The following ANO5 variants were observed in gnomAD, a reference collection of about 807,000 sequenced individuals.
ANO5 encodes anoctamin 5.
ANO5 carries 109 observed loss-of-function variants against 121.0 expected under a neutral mutation model. That is an observed-to-expected ratio of 0.90 (90% CI 0.77 to 1.06). The LOEUF is 1.06. ANO5 is among the 50% of genes least tolerant of loss of function. The pLI, the probability that ANO5 is intolerant of heterozygous loss-of-function variation, is 0.00. For synonymous variants in ANO5, 406 were observed against 359.9 expected, an observed-to-expected ratio of 1.13 and a Z score of -1.45; for missense variants, 1,064 against 1,078.5, an observed-to-expected ratio of 0.99 and a Z score of 0.19.
intron 1 of ANO5, 147 bp downstream of exon 1, chr11:22,193,679 C>G: frequency 9.3e-7 from 1 of 1,075,536 alleles, no homozygotes; most frequent in East Asian, 2.6e-5. Flanking sequence ...AGCGCGAAAC[C>G]GGGACTGCGG....
chr11:22,234,979 C>T (rs1853167533), intron 7 of ANO5, among the ~76,000 whole-genome samples: 2 of 152,048 alleles, frequency 1.3e-5, no homozygotes, highest in Non-Finnish European at 2.9e-5. Context: ...TCCTCCTTAA[C>T]ACAAAGAAAG....
chr11:22,241,728 A>G (rs528784630), intron 9 of ANO5, among the ~76,000 whole-genome samples: 3 of 151,788 alleles, frequency 2.0e-5, no homozygotes, highest in Admixed American at 6.6e-5. Flanking sequence ...CCAATTATTT[A>G]TTGGGGTTAT....
At chr11:22,275,700 T>A (rs1854814131) in intron 20 of ANO5, among the ~76,000 whole-genome samples, 1 of 151,862 alleles carries the variant, frequency 6.6e-6, no homozygotes, top group African/African-American at 2.4e-5. Context: ...TATATAATAT[T>A]CTTATTTTTG....
intron 17 of ANO5, among the ~76,000 whole-genome samples, chr11:22,269,687 A>T (rs2133776163): frequency 6.6e-6 from 1 of 152,218 alleles, no homozygotes; most frequent in South Asian, 2.1e-4. Flanking sequence ...AGGTTTTAAT[A>T]GGTCCTTAAA....
chr11:22,220,051 A>C (rs1181777545), intron 4 of ANO5, among the ~76,000 whole-genome samples: 1 of 151,820 alleles, frequency 6.6e-6, no homozygotes, highest in Non-Finnish European at 1.5e-5. Context: ...CTTATGGCTT[A>C]TTTGCATATA....
intron 3 of ANO5, among the ~76,000 whole-genome samples, chr11:22,213,350 C>A (rs1267025442): frequency 1.3e-5 from 2 of 151,780 alleles, no homozygotes; most frequent in African/African-American, 4.8e-5. Flanking sequence ...GGGACAGTTT[C>A]ATGTACTTCT....
intron 3 of ANO5, among the ~76,000 whole-genome samples, chr11:22,212,472 T>A (rs1266514572): frequency 1.3e-5 from 2 of 151,992 alleles, no homozygotes; most frequent in Admixed American, 1.3e-4. Flanking sequence ...CTGCATGGAA[T>A]TCATTTATCA....
In ANO5 at chr11:22,279,703, G is replaced by A. The variant is rs1271019693; in HGVS notation, c.2680G>A (p.Glu894Lys). The A allele has an allele frequency of 1.2e-6, 2 of 1,612,696 alleles. No individual in the cohort carries two copies. Among genetic ancestry groups the A allele is most frequent in the East Asian group, 2.2e-5 (1 of 44,848 alleles). The part of the protein sequence containing the change: ...LKENLGINSN[E>K]FAKHVMIEEN... ...AGAGAACTTGGGAATTAATTCTAAT[G>A]AATTTGCCAAGCATGTCATGATTGA... Residue 894 changes from glutamate to lysine, a missense_variant, in exon 22 of 22, where the codon GAA (glutamate) becomes AAA (lysine). Glu to Lys is a moderately conservative substitution (Grantham distance 56, BLOSUM62 1). Coordinates refer to ENST00000324559, the MANE Select transcript of ANO5 (RefSeq NM_213599.3).
At chr11:22,256,550 C>T (rs1414051766) in intron 13 of ANO5, among the ~76,000 whole-genome samples, 1 of 152,024 alleles carries the variant, frequency 6.6e-6, no homozygotes, top group Non-Finnish European at 1.5e-5. Context: ...ATGTTCATTC[C>T]TATTTCACGA....
chr11:22,221,824 A>ATG (rs1169192464), intron 5 of ANO5, among the ~76,000 whole-genome samples: 2 of 152,100 alleles, frequency 1.3e-5, no homozygotes, highest in Admixed American at 6.6e-5. Flanking sequence ...ATACACATAT[A>ATG]TGTGTGTGTG....
At chr11:22,201,851 T>G (rs1564908912) in intron 1 of ANO5, among the ~76,000 whole-genome samples, 1 of 152,190 alleles carries the variant, frequency 6.6e-6, no homozygotes, top group Non-Finnish European at 1.5e-5. Flanking sequence ...CTCTCAACAT[T>G]GTTGCATTGC....
chr11:22,258,926 G>A (rs1163688343), intron 14 of ANO5, among the ~76,000 whole-genome samples: 2 of 152,102 alleles, frequency 1.3e-5, no homozygotes, highest in Non-Finnish European at 2.9e-5. Context: ...GAGGTCAGGA[G>A]ATCGAGACTA....
intron 17 of ANO5, 24 bp from the exon 18 acceptor site, chr11:22,270,288 A>G (rs1488580466): frequency 1.9e-6 from 3 of 1,613,870 alleles, no homozygotes; most frequent in African/African-American, 1.3e-5. Flanking sequence ...TATTTCATAT[A>G]TTAACTTTTA....
chr11:22,257,543 T>C, intron 13 of ANO5, 137 bp from the exon 14 acceptor site: 1 of 713,062 alleles, frequency 1.4e-6, no homozygotes, highest in Non-Finnish European at 2.5e-6. Flanking sequence ...ATTCCTATAA[T>C]GTAGCTTTCC....
chr11:22,276,218 T>A lies in ANO5; in HGVS notation c.2520+19T>A, dbSNP rs368182764. 5.1e-5 allele frequency: 79 copies of A among 1,559,840 alleles called. No homozygotes were observed. The highest frequency in any genetic ancestry group is 1.3e-4 in the Admixed American group (8 of 59,694). On this transcript the variant is annotated intron_variant, in intron 21 of 21. Coordinates refer to ENST00000324559, the MANE Select transcript of ANO5 (RefSeq NM_213599.3). ...TATGGAAGTAAGCTGTTCTTAACTT[T>A]CATTCGAGTTACTCTCTTCTCTCTT...
intron 9 of ANO5, among the ~76,000 whole-genome samples, chr11:22,241,909 T>G (rs1853446079): frequency 6.6e-6 from 1 of 152,132 alleles, no homozygotes; most frequent in Admixed American, 6.6e-5. Flanking sequence ...CACTTGTCAA[T>G]TATTTTTTGA....
At chr11:22,275,878 A>T (rs546428735) in intron 20 of ANO5, among the ~76,000 whole-genome samples, 7 of 151,812 alleles carry the variant, frequency 4.6e-5, no homozygotes, top group African/African-American at 1.7e-4. Context: ...CCTCTTGTGT[A>T]TTTCTTCTTA....
At position 22,256,760 on chromosome 11, in the gene ANO5, T is replaced by G. The variant is rs1017296762; in HGVS notation, c.1333-920T>G. On this transcript the variant is annotated intron_variant, in intron 13 of 21. Transcript: ENST00000324559. ...GTTTTGTTTTGTTTTGTTTTTTACT[T>G]ATTGCAGTGCTTCCTCAGTGTTTAA... is the stretch of plus-strand genomic sequence containing the variant. Among the ~76,000 whole-genome samples, 4 of 152,030 alleles carry G rather than the reference T, an allele frequency of 2.6e-5. No homozygotes were observed. In the South Asian group the frequency reaches 8.4e-4, roughly 32 times the overall value.
intron 7 of ANO5, among the ~76,000 whole-genome samples, chr11:22,229,809 T>C (rs2133621747): frequency 6.6e-6 from 1 of 152,084 alleles, no homozygotes; most frequent in Admixed American, 6.6e-5. Context: ...TCTTCCTTCA[T>C]AGTGTAGCAA....
Sources: allele counts gnomAD v4.1 joint callset (sites outside exome capture counted in the v4.1 genomes callset), GRCh38; gene constraint gnomAD v4.1.1; transcripts MANE v1.5; gene names NCBI Gene and HGNC (gene_info 2026-07-23, HGNC 2026-07-21).